Variants in RAD54L observed in about 807,000 individuals in gnomAD.
RAD54L encodes the protein RAD54 like.
RAD54L carries 74 observed loss-of-function variants against 91.6 expected under a neutral mutation model. The observed-to-expected ratio is 0.81, with a 90% confidence interval of 0.67 to 0.98. The LOEUF (loss-of-function observed/expected upper bound fraction) is 0.98, where lower values mean the gene tolerates loss of function less well. RAD54L is among the 50% of genes least tolerant of loss of function. The pLI is 0.00. For synonymous variants in RAD54L, 304 were observed against 349.7 expected (o/e 0.87, Z 1.46); for missense variants, 887 against 945.7 (o/e 0.94, Z 0.81).
At position 46,276,889 on chromosome 1, in the gene RAD54L, T is replaced by C. The variant is rs113152272; in HGVS notation, c.1870-928T>C. The stretch of plus-strand genomic sequence containing the variant: ...CATCTCAGCTCACTGCAACCTCTGC[T>C]TCCCGGGTTCAAGCGATTCTCCTGC... On this transcript the variant is annotated intron_variant, in intron 16 of 17. Coordinates refer to ENST00000371975, the MANE Select transcript of RAD54L (RefSeq NM_003579.4). 8.2e-3 allele frequency among the ~76,000 whole-genome samples: 1,253 copies of C among 152,250 alleles called. 19 individuals are homozygous for C. The highest frequency in any genetic ancestry group is 0.037 in the Middle Eastern group (11 of 294).
intron 9 of RAD54L, among the ~76,000 whole-genome samples, chr1:46,269,288 G>A (rs572478512): frequency 2.8e-4 from 42 of 150,928 alleles, no homozygotes; most frequent in African/African-American, 9.2e-4. Flanking sequence ...ATATCCATTA[G>A]TGTGAATATT....
intron 14 of RAD54L, 73 bp from the exon 15 acceptor site, chr1:46,274,065 A>C (rs1193716872): frequency 1.4e-6 from 2 of 1,453,240 alleles, no homozygotes; most frequent in East Asian, 2.4e-5. Flanking sequence ...TTTTTAAAAA[A>C]ATTTTTATTT....
Position 46,270,743 on chromosome 1 carries a change from TAGGAG to T in RAD54L, c.1133_1137del (p.Glu378AlafsTer11). 6 of 1,614,212 alleles carry T rather than the reference TAGGAG, an allele frequency of 3.7e-6. No individual in the cohort carries two copies. Among genetic ancestry groups the T allele is most frequent in the Non-Finnish European group, 5.1e-6 (6 of 1,180,018 alleles). Reference sequence around the variant, plus strand: ...GCTGCTAGTGAGGCAGACAGGCAGCTAGGAGAGGAGCGGCTGCGGGAGCTCACCAG... The same window carrying T: ...GCTGCTAGTGAGGCAGACAGGCAGCTAGGAGCGGCTGCGGGAGCTCACCAG... On this transcript the variant is annotated frameshift_variant, in exon 10 of 18. Transcript: ENST00000371975. LOFTEE classifies it high-confidence loss of function.
rs945345001 is a variant in RAD54L at position 46,265,492 on chromosome 1, G to A, written c.892-1967G>A. Among the ~76,000 whole-genome samples the A allele has an allele frequency of 6.6e-6, 1 of 152,070 alleles. No individual in the cohort carries two copies. The highest frequency in any genetic ancestry group is 1.5e-5 in the Non-Finnish European group (1 of 68,008). ...TTTCACCATGTTGGCCAGGCTGGAC[G>A]CAAACTCCTGACCTCAGGTGATCCA... is the stretch of plus-strand genomic sequence containing the variant. On this transcript the variant is annotated intron_variant, in intron 8 of 17. Transcript: ENST00000371975. The surrounding 1 kb of genome is among the most constrained non-coding windows in gnomAD (Gnocchi z 4.8).
rs759341252 is a variant in RAD54L at position 46,250,101 on chromosome 1, T to C, written c.192T>C (p.Cys64=). 6.2e-7 allele frequency: 1 copy of C among 1,614,216 alleles called. No individual in the cohort carries two copies. The highest frequency in any genetic ancestry group is 1.1e-5 in the South Asian group (1 of 91,088). The change falls in exon 3 of 18, where the codon TGT becomes TGC. Residue 64 remains cysteine (C), a synonymous_variant. Coordinates refer to ENST00000371975, the MANE Select transcript of RAD54L (RefSeq NM_003579.4). ...PLSQLTNQPP[C]LDSSQHEAFI... The stretch of plus-strand genomic sequence containing the variant: ...GTCAGCTAACCAATCAACCACCTTG[T>C]CTGGACAGCAGTCAGCATGTAAGCC...
Position 46,263,604 on chromosome 1 carries a change from C to T in RAD54L, c.891+2219C>T, listed in dbSNP as rs892719974. 1.3e-5 allele frequency among the ~76,000 whole-genome samples: 2 copies of T among 152,018 alleles called. No individual in the cohort carries two copies. The highest frequency in any genetic ancestry group is 2.9e-5 in the Non-Finnish European group (2 of 67,996). On this transcript the variant is annotated intron_variant, in intron 8 of 17. Coordinates refer to ENST00000371975, the MANE Select transcript of RAD54L (RefSeq NM_003579.4). The surrounding 1 kb of genome is among the most constrained non-coding windows in gnomAD (Gnocchi z 4.3). ...TGGCGGGTCTTCAAACTCCCAACTT[C>T]CTGGTAGGAGTAGGGAACTTACCAG...
intron 9 of RAD54L, among the ~76,000 whole-genome samples, chr1:46,267,868 G>A (rs1014205684): frequency 2.6e-5 from 4 of 152,138 alleles, no homozygotes; most frequent in Non-Finnish European, 4.4e-5. Flanking sequence ...GTGTCATGAT[G>A]AGCTGAGGGT....
At chr1:46,258,787 T>C in intron 4 of RAD54L, 41 bp downstream of exon 4, 1 of 1,414,956 alleles carries the variant, frequency 7.1e-7, no homozygotes. Flanking sequence ...CAGTCATATG[T>C]ACGTGTGCCT....
At position 46,250,012 on chromosome 1, in the gene RAD54L, C is replaced by T. The variant is rs369982284; in HGVS notation, c.103C>T (p.Arg35Trp). The change falls in exon 3 of 18, where the codon CGG (arginine) becomes TGG (tryptophan). Residue 35 changes from arginine to tryptophan, a missense_variant. Physicochemically the swap from Arg to Trp is moderately radical, Grantham distance 101. Transcript: ENST00000371975. Reference sequence around the variant, plus strand: ...TTCTCTCTCCTAGACTCCTAGGAAACGGAAATCCAGCAGTGAGACCCAGAT... The same window carrying T: ...TTCTCTCTCCTAGACTCCTAGGAAATGGAAATCCAGCAGTGAGACCCAGAT... ...WQPGLVTPRKRKSSSETQIQE... is the reference protein window; with the variant it reads ...WQPGLVTPRKWKSSSETQIQE... 9.9e-6 allele frequency: 16 copies of T among 1,614,034 alleles called. No homozygotes were observed. The highest frequency in any genetic ancestry group is 1.7e-4 in the Middle Eastern group (1 of 6,060).
intron 3 of RAD54L, 84 bp from the exon 4 acceptor site, chr1:46,258,602 C>A (rs1271473285): frequency 1.8e-6 from 2 of 1,087,808 alleles, no homozygotes; most frequent in East Asian, 2.4e-5. Flanking sequence ...TGCTGTTGTA[C>A]AAAACCTAAT....
At chr1:46,261,866 G>A (rs1316400293) in intron 8 of RAD54L, among the ~76,000 whole-genome samples, 1 of 152,118 alleles carries the variant, frequency 6.6e-6, no homozygotes, top group South Asian at 2.1e-4. Context: ...GATGATTCAC[G>A]CCTGTAATCC....
In RAD54L at chr1:46,248,565, C is replaced by G; in HGVS notation, c.57C>G (p.Ser19=). ...QLAKRKPEGR[S]CDDEDWQPGL... The stretch of plus-strand genomic sequence containing the variant: ...CCAAGAGAAAACCTGAAGGCAGGTC[C>G]TGTGATGATGAAGACTGGCAACCTG... The change falls in exon 2 of 18, where the codon TCC becomes TCG. Residue 19 remains serine (S), a synonymous_variant. Transcript: ENST00000371975. 6.2e-7 allele frequency: 1 copy of G among 1,614,094 alleles called. No individual in the cohort carries two copies. Among genetic ancestry groups the G allele is most frequent in the South Asian group, 1.1e-5 (1 of 91,078 alleles).
rs1369766420 is a variant in RAD54L, at chr1:46,260,070, G to A, written c.378G>A (p.Leu126=). Residue 126 remains leucine, a synonymous_variant, in exon 5 of 18, where the codon CTG becomes CTA. Transcript: ENST00000371975. The part of the protein sequence containing the change: ...DALVLYEPPP[L]SAHDQLKLDK... ...TGGTTCTGTATGAGCCTCCCCCGCT[G>A]AGCGCTCATGACCAGCTGAAGCTTG... The A allele has an allele frequency of 2.5e-6, 4 of 1,614,086 alleles. No homozygotes were observed. The highest frequency in any genetic ancestry group is 1.6e-4 in the Middle Eastern group (1 of 6,084).
intron 3 of RAD54L, among the ~76,000 whole-genome samples, chr1:46,257,121 GC>G (rs1478579824): frequency 7.5e-6 from 1 of 133,818 alleles, no homozygotes; most frequent in African/African-American, 2.8e-5. Context: ...TCCAGCCTGG[GC>G]AACAGAGCAA....
In RAD54L at chr1:46,275,699, ATCT is replaced by A. The variant is rs1557709272; in HGVS notation, c.1869+987_1869+989del. 4.6e-5 allele frequency among the ~76,000 whole-genome samples: 7 copies of A among 152,020 alleles called. No individual in the cohort carries two copies. In the South Asian group the frequency reaches 8.3e-4, roughly 18 times the overall value. On this transcript the variant is annotated intron_variant, in intron 16 of 17. Coordinates refer to ENST00000371975, the MANE Select transcript of RAD54L (RefSeq NM_003579.4). ...TTCTCTCAAATTTCCTACCTAACTC[ATCT>A]TCTTTCTACTCACTCATCAGACTCC...
At chr1:46,259,591 G>C (rs1473062116) in intron 4 of RAD54L, among the ~76,000 whole-genome samples, 1 of 152,072 alleles carries the variant, frequency 6.6e-6, no homozygotes, top group Non-Finnish European at 1.5e-5. Flanking sequence ...TGGACAACAT[G>C]GTGAAACCCT....
chr1:46,267,465 A>G lies in RAD54L; in HGVS notation c.898A>G (p.Arg300Gly), dbSNP rs1223507610. ...VGLVICDEGH[R>G]LKNSENQTYQ... ...AATAAGGATTCTCTTGCAGGGACAC[A>G]GGCTCAAGAACTCTGAGAATCAGAC... The change falls in exon 9 of 18, where the codon AGG (arginine) becomes GGG (glycine). Residue 300 changes from arginine to glycine, a missense_variant. Coordinates refer to ENST00000371975, the MANE Select transcript of RAD54L (RefSeq NM_003579.4). The G allele has an allele frequency of 6.2e-7, 1 of 1,614,070 alleles. No homozygotes were observed. The highest frequency in any genetic ancestry group is 8.5e-7 in the Non-Finnish European group (1 of 1,180,030).
Position 46,278,321 on chromosome 1 carries a change from A to G in RAD54L, c.*39A>G. 3 of 1,569,198 alleles carry G rather than the reference A, an allele frequency of 1.9e-6. No individual in the cohort carries two copies. The highest frequency in any genetic ancestry group is 2.6e-6 in the Non-Finnish European group (3 of 1,153,642). On this transcript the variant is annotated 3_prime_UTR_variant, in exon 18 of 18. Transcript: ENST00000371975. ...TGGGTGTAGCTCTTAGAGGAAGGAG[A>G]TAGGGAAAAGGGGCTCCTTGCTCCA...
intron 12 of RAD54L, among the ~76,000 whole-genome samples, 156 bp from the exon 13 acceptor site, chr1:46,273,199 C>T (rs1219636879): frequency 3.3e-5 from 5 of 152,166 alleles, no homozygotes; most frequent in South Asian, 2.1e-4. Flanking sequence ...CAGATGGCAC[C>T]GACTATATCC....
Sources: gnomAD v4.1 joint callset for allele counts (sites outside exome capture counted in the v4.1 genomes callset) on GRCh38, gnomAD v4.1.1 for gene constraint, Gnocchi (gnomAD v3.1) non-coding constraint, MANE v1.5 for transcripts, NCBI Gene and HGNC (gene_info 2026-07-23, HGNC 2026-07-21) for gene names.